Variants in SURF1 observed in about 807,000 individuals in gnomAD.
SURF1 encodes the protein surfeit locus protein 1.
Under a neutral mutation model 34.1 loss-of-function variants are expected in SURF1, and 45 were observed. The ratio of observed to expected loss-of-function variants is 1.32; its 90% CI spans 1.04 to 1.69. The LOEUF is 1.69. Ranked by LOEUF, SURF1 falls within the 40% of genes most tolerant of loss-of-function variation. The pLI is 0.00. For missense variants in SURF1, 456 were observed against 384.6 expected (o/e 1.19, Z -1.55); for synonymous variants, 188 against 147.5 (o/e 1.27, Z -1.99).
intron 1 of SURF1, 21 bp downstream of exon 1, chr9:133,356,379 C>A (rs2130026177): frequency 7.2e-7 from 1 of 1,392,600 alleles, no homozygotes; most frequent in Non-Finnish European, 9.3e-7. Context: ...CCGCACCCCG[C>A]ACCCCGCACC....
At position 133,351,993 on chromosome 9, in the gene SURF1, A is replaced by C. The variant is rs2130003437; in HGVS notation, c.834-11T>G. The C allele has an allele frequency of 6.2e-7, 1 of 1,613,776 alleles. No homozygotes were observed. ...GCAGAGAGTCCATACCTAGGGGTTG[A>C]AAGCAAGCCAGCATTAGCAGGCTGC... On this transcript the variant is annotated splice_polypyrimidine_tract_variant and intron_variant, in intron 8 of 8. Transcript: ENST00000371974.
At position 133,352,447 on chromosome 9, in the gene SURF1, G is replaced by C. The variant is rs2130006976; in HGVS notation, c.750C>G (p.Phe250Leu). ...GAEPIFIDAN[F>L]QSTVPGGPIG... ...GAGATGGGCTGGTCCACAACGTACG[G>C]AAGTTGGCATCAATGAAGATGGGCT... The change falls in exon 7 of 9, where the codon TTC becomes TTG. Residue 250 changes from phenylalanine (F) to leucine (L), a missense_variant and splice_region_variant. Transcript: ENST00000371974. The C allele has an allele frequency of 6.2e-7, 1 of 1,614,238 alleles. No homozygotes were observed. The highest frequency in any genetic ancestry group is 8.5e-7 in the Non-Finnish European group (1 of 1,180,042).
rs202237153 is a variant in SURF1, at chr9:133,352,046, C to T, written c.833+15G>A. 1.0e-4 allele frequency: 165 copies of T among 1,612,088 alleles called. 2 individuals carry two copies. In the Middle Eastern group the frequency reaches 1.5e-3, roughly 15 times the overall value. ...GGCTGAAGGGGAGGAAGCCAGAGGGCCGCTGGGGACTCACCAGGTCACGAT... is the reference window on the plus strand; with the variant it reads ...GGCTGAAGGGGAGGAAGCCAGAGGGTCGCTGGGGACTCACCAGGTCACGAT... On this transcript the variant is annotated intron_variant, in intron 8 of 8. Coordinates refer to ENST00000371974, the MANE Select transcript of SURF1 (RefSeq NM_003172.4).
At chr9:133,352,801 G>C (rs2130010382) in intron 5 of SURF1, 35 bp from the exon 6 acceptor site, 8 of 1,589,484 alleles carry the variant, frequency 5.0e-6, no homozygotes, top group Non-Finnish European at 6.9e-6. Flanking sequence ...AGGTGGGGAG[G>C]GTTTTTGACT....
chr9:133,352,084 C>T lies in SURF1; in HGVS notation c.810G>A (p.Glu270=), dbSNP rs2130004373. 6.2e-7 allele frequency: 1 copy of T among 1,611,202 alleles called. No homozygotes were observed. Among genetic ancestry groups the T allele is most frequent in the Non-Finnish European group, 8.5e-7 (1 of 1,178,684 alleles). ...GGQTRVTLRN[E]HLQYIVTWYG... ...ACCAGGTCACGATGTACTGCAGATG[C>T]TCGTTCCTCAGAGTAACTCTGGTTT... The change falls in exon 8 of 9, where the codon GAG becomes GAA. Residue 270 remains glutamate (E), a synonymous_variant. Transcript: ENST00000371974.
rs2130006917 is a variant in SURF1 at position 133,352,445 on chromosome 9, C to T, written c.751+1G>A. 1.1e-5 allele frequency: 18 copies of T among 1,614,096 alleles called. No homozygotes were observed. Among genetic ancestry groups the T allele is most frequent in the East Asian group, 2.2e-5 (1 of 44,898 alleles). On this transcript the variant is annotated splice_donor_variant, in intron 7 of 8. Coordinates refer to ENST00000371974, the MANE Select transcript of SURF1 (RefSeq NM_003172.4). LOFTEE classifies it high-confidence loss of function. ...CCGAGATGGGCTGGTCCACAACGTACGGAAGTTGGCATCAATGAAGATGGG... is the reference window on the plus strand; with the variant it reads ...CCGAGATGGGCTGGTCCACAACGTATGGAAGTTGGCATCAATGAAGATGGG...
rs2130017865 is a variant in SURF1, at chr9:133,354,676, A to C, written c.306T>G (p.Pro102=). 1 of 1,613,092 alleles carries C rather than the reference A, an allele frequency of 6.2e-7. No individual in the cohort carries two copies. Among genetic ancestry groups the C allele is most frequent in the Admixed American group, 1.7e-5 (1 of 60,012 alleles). Residue 102 remains proline (P), a synonymous_variant, in exon 4 of 9, where the codon CCT becomes CCG. Coordinates refer to ENST00000371974, the MANE Select transcript of SURF1 (RefSeq NM_003172.4). The part of the protein sequence containing the change: ...AELESRVLAE[P]VPLPADPMEL... ...GCACTCACTCGGCTGGCAGAGGGAC[A>C]GGCTCAGCCAGAACTCTGGACTCCA... is the stretch of plus-strand genomic sequence containing the variant.
intron 6 of SURF1, 21 bp from the exon 7 acceptor site, chr9:133,352,629 G>C (rs2130008693): frequency 1.9e-6 from 3 of 1,614,076 alleles, no homozygotes; most frequent in Non-Finnish European, 2.5e-6. Flanking sequence ...AGGTGTGTGA[G>C]ATTGCATGGA....
chr9:133,355,869 C>T (rs1836564205), intron 2 of SURF1, among the ~76,000 whole-genome samples: 1 of 151,622 alleles, frequency 6.6e-6, no homozygotes, highest in Non-Finnish European at 1.5e-5. Context: ...GCACAGCACT[C>T]TACACACGGC....
Position 133,352,063 on chromosome 9 carries a change from G to T in SURF1, c.831C>A (p.Thr277=). ...LRNEHLQYIV[T]WYGLSAATSY... is the part of the protein sequence containing the mutation. ...CCAGAGGGCCGCTGGGGACTCACCA[G>T]GTCACGATGTACTGCAGATGCTCGT... is the stretch of plus-strand genomic sequence containing the variant. The change falls in exon 8 of 9, where the codon ACC becomes ACA. Residue 277 remains threonine, a splice_region_variant and synonymous_variant. Coordinates refer to ENST00000371974, the MANE Select transcript of SURF1 (RefSeq NM_003172.4). 1 of 1,612,022 alleles carries T rather than the reference G, an allele frequency of 6.2e-7. No individual in the cohort carries two copies. Among genetic ancestry groups the T allele is most frequent in the Non-Finnish European group, 8.5e-7 (1 of 1,179,062 alleles).
intron 4 of SURF1, chr9:133,354,331 C>T (rs1460929827): frequency 2.0e-6 from 1 of 494,466 alleles, no homozygotes; most frequent in Non-Finnish European, 3.7e-6. Context: ...CAAACGACCA[C>T]CCTCACGGTG....
At chr9:133,354,013 A>G in intron 4 of SURF1, 73 bp from the exon 5 acceptor site, 1 of 1,561,150 alleles carries the variant, frequency 6.4e-7, no homozygotes, top group Admixed American at 1.7e-5. Context: ...GGCAGACTAC[A>G]CAGCCCACCA....
chr9:133,354,801 G>C (rs2130018742), intron 3 of SURF1, 23 bp downstream of exon 3: 17 of 1,613,630 alleles, frequency 1.1e-5, no homozygotes, highest in Non-Finnish European at 1.4e-5. Context: ...CCAGAGTTAC[G>C]CACACCAGAT....
chr9:133,351,850 C>A lies in SURF1; in HGVS notation c.*63G>T. The A allele has an allele frequency of 6.5e-7, 1 of 1,543,844 alleles. No homozygotes were observed. Among genetic ancestry groups the A allele is most frequent in the South Asian group, 1.2e-5 (1 of 86,642 alleles). On this transcript the variant is annotated 3_prime_UTR_variant, in exon 9 of 9. Coordinates refer to ENST00000371974, the MANE Select transcript of SURF1 (RefSeq NM_003172.4). The stretch of plus-strand genomic sequence containing the variant: ...GAACTTTATACCAGTAGCACATGAT[C>A]CAGCATAAAGGCAGTCTTGAAATAC...
At position 133,352,454 on chromosome 9, in the gene SURF1, G is replaced by T. The variant is rs1455779938; in HGVS notation, c.743C>A (p.Ala248Asp). ...ITGAEPIFID[A>D]NFQSTVPGGP... Reference sequence around the variant, plus strand: ...GCTGGTCCACAACGTACGGAAGTTGGCATCAATGAAGATGGGCTCTGCGCC... The same window carrying T: ...GCTGGTCCACAACGTACGGAAGTTGTCATCAATGAAGATGGGCTCTGCGCC... The change falls in exon 7 of 9, where the codon GCC (alanine) becomes GAC (aspartate). Residue 248 changes from alanine to aspartate, a missense_variant. Physicochemically the swap from Ala to Asp is moderately radical, Grantham distance 126. Coordinates refer to ENST00000371974, the MANE Select transcript of SURF1 (RefSeq NM_003172.4). The T allele has an allele frequency of 4.3e-6, 7 of 1,614,214 alleles. No individual in the cohort carries two copies. The East Asian group carries it at 1.6e-4, about 36-fold the overall frequency.
At chr9:133,352,255 G>C in intron 7 of SURF1, 113 bp from the exon 8 acceptor site, 7 of 1,367,742 alleles carry the variant, frequency 5.1e-6, no homozygotes, top group East Asian at 2.5e-5. Flanking sequence ...TGGCCTTTAC[G>C]TTGGGTGACC....
chr9:133,356,399 C>T lies in SURF1; in HGVS notation c.54+1G>A. On this transcript the variant is annotated splice_donor_variant, in intron 1 of 8. Transcript: ENST00000371974. LOFTEE classifies it high-confidence loss of function. ...CCCCGCACCCCGCACCCGGCGCTCA[C>T]CCGTCCCAGCCCCGCCGCCCGCAGC... 3 of 705,580 alleles carry T rather than the reference C, an allele frequency of 4.3e-6. No individual in the cohort carries two copies. The highest frequency in any genetic ancestry group is 3.4e-5 in the South Asian group (1 of 29,326). 43.7% of individuals were successfully genotyped at this position (705,580 alleles called of 1,614,324 possible).
In SURF1 at chr9:133,353,807, A is replaced by G; in HGVS notation, c.457T>C (p.Ser153Pro). The change falls in exon 5 of 9, where the codon TCC becomes CCC. Residue 153 changes from serine to proline, a missense_variant. Physicochemically the swap from Ser to Pro is moderately conservative, Grantham distance 74 (BLOSUM62 -1). Coordinates refer to ENST00000371974, the MANE Select transcript of SURF1 (RefSeq NM_003172.4). ...TAGGCCCCACTCTGAGTTGAGGAGG[A>G]GATGAGGCCGCCCTCCCGGGCCTCC... is the stretch of plus-strand genomic sequence containing the variant. Reference protein sequence around the residue: ...VREAREGGLISSSTQSGAYVV... With the variant: ...VREAREGGLIPSSTQSGAYVV... 3 of 1,613,758 alleles carry G rather than the reference A, an allele frequency of 1.9e-6. No individual in the cohort carries two copies. Among genetic ancestry groups the G allele is most frequent in the Non-Finnish European group, 1.7e-6 (2 of 1,180,010 alleles).
In SURF1 at chr9:133,351,969, C is replaced by T. The variant is rs139025632; in HGVS notation, c.847G>A (p.Ala283Thr). The T allele has an allele frequency of 8.1e-5, 131 of 1,613,904 alleles. No individual in the cohort carries two copies. The highest frequency in any genetic ancestry group is 1.0e-4 in the Non-Finnish European group (121 of 1,179,958). Reference sequence around the variant, plus strand: ...TTAAACCACAGGTAGGATGTAGCTGCAGAGAGTCCATACCTAGGGGTTGAA... The same window carrying T: ...TTAAACCACAGGTAGGATGTAGCTGTAGAGAGTCCATACCTAGGGGTTGAA... ...QYIVTWYGLS[A>T]ATSYLWFKKF... The change falls in exon 9 of 9, where the codon GCA (alanine) becomes ACA (threonine). Residue 283 changes from alanine (A) to threonine (T), a missense_variant. By Grantham distance (58) the Ala-to-Thr change is moderately conservative (BLOSUM62 0). Coordinates refer to ENST00000371974, the MANE Select transcript of SURF1 (RefSeq NM_003172.4).
Sources: allele counts gnomAD v4.1 joint callset (sites outside exome capture counted in the v4.1 genomes callset), GRCh38; gene constraint gnomAD v4.1.1; transcripts MANE v1.5; gene names NCBI Gene and HGNC (gene_info 2026-07-23, HGNC 2026-07-21).